TSC22D3: variants seen among roughly 807,000 people sequenced by gnomAD.
The protein encoded by TSC22D3 is TSC22 domain family member 3.
TSC22D3 carries 4 observed loss-of-function variants against 11.1 expected under a neutral mutation model. That is an observed-to-expected ratio of 0.36 (90% CI 0.18 to 0.83). The LOEUF is 0.83. Among genes scored for constraint, TSC22D3 ranks in the 40% least tolerant of loss-of-function variants. The probability of loss-of-function intolerance (pLI) is 0.48; values close to 1 mark genes in which losing one functional copy is unlikely to be tolerated. For synonymous variants in TSC22D3, 77 were observed against 70.3 expected, an observed-to-expected ratio of 1.10 and a Z score of -0.48; for missense variants, 118 against 159.4, an observed-to-expected ratio of 0.74 and a Z score of 1.40.
At chrX:107,738,966 G>A (rs1310870180) in intron 1 of TSC22D3, among the ~76,000 whole-genome samples, 1 of 113,017 alleles carries the variant, frequency 8.8e-6, no homozygotes, top group African/African-American at 3.2e-5. Context: ...GAGCTTGTGT[G>A]TACCGGACAA....
chrX:107,719,722 G>A, intron 1 of TSC22D3, among the ~76,000 whole-genome samples: 1 of 111,581 alleles, frequency 9.0e-6, no homozygotes, highest in Non-Finnish European at 1.9e-5. Flanking sequence ...GGGGTTTGGA[G>A]GTGCCAGAGA....
intron 1 of TSC22D3, among the ~76,000 whole-genome samples, chrX:107,724,975 C>T (rs1311667162): frequency 9.0e-6 from 1 of 111,471 alleles, no homozygotes; most frequent in Admixed American, 9.5e-5. Context: ...GCATAGAGGC[C>T]CTCTGTGACT....
intron 1 of TSC22D3, among the ~76,000 whole-genome samples, chrX:107,762,686 A>G (rs1569454302): frequency 9.1e-6 from 1 of 109,658 alleles, no homozygotes; most frequent in Non-Finnish European, 1.9e-5. Flanking sequence ...GCTTGTAGTC[A>G]GGAAGTTCTT....
intron 1 of TSC22D3, among the ~76,000 whole-genome samples, chrX:107,735,240 C>T (rs750144676): frequency 2.7e-5 from 3 of 111,874 alleles, no homozygotes; most frequent in Non-Finnish European, 3.8e-5. Context: ...GCAGGAGCCA[C>T]ACAAGAGTAC....
chrX:107,733,598 A>T (rs776559953), intron 1 of TSC22D3, among the ~76,000 whole-genome samples: 2 of 108,675 alleles, frequency 1.8e-5, no homozygotes, highest in African/African-American at 6.8e-5. Flanking sequence ...GCCTTCCTCC[A>T]CCAGCTGAGG....
At chrX:107,720,756 T>C (rs1247706396) in intron 1 of TSC22D3, among the ~76,000 whole-genome samples, 1 of 18,529 alleles carries the variant, frequency 5.4e-5, no homozygotes, top group East Asian at 1.5e-3. Flanking sequence ...GAGATAAGGG[T>C]GGGTAGGAAG....
intron 1 of TSC22D3, among the ~76,000 whole-genome samples, chrX:107,741,646 G>T (rs1157054652): frequency 8.9e-6 from 1 of 112,450 alleles, no homozygotes; most frequent in Non-Finnish European, 1.9e-5. Context: ...CGCCCACAAC[G>T]CAGCAGCCCC....
At chrX:107,754,825 T>C in intron 1 of TSC22D3, among the ~76,000 whole-genome samples, 1 of 112,274 alleles carries the variant, frequency 8.9e-6, no homozygotes, top group Non-Finnish European at 1.9e-5. Flanking sequence ...ATGACAGAGA[T>C]TGCAAATTTT....
At chrX:107,750,504 A>G (rs1324390156) in intron 1 of TSC22D3, among the ~76,000 whole-genome samples, 1 of 111,676 alleles carries the variant, frequency 9.0e-6, no homozygotes, top group African/African-American at 3.3e-5. Flanking sequence ...GACGGCGAGC[A>G]AAACTGCAGA....
intron 1 of TSC22D3, chrX:107,716,837 C>T (rs1179893015): frequency 8.3e-7 from 1 of 1,205,210 alleles, no homozygotes; most frequent in Admixed American, 2.2e-5. Context: ...GAAGCTCTGG[C>T]CGGGTTTCGT....
chrX:107,717,817 T>C (rs1217968416), intron 1 of TSC22D3, among the ~76,000 whole-genome samples: 2 of 112,124 alleles, frequency 1.8e-5, no homozygotes, highest in East Asian at 5.6e-4. Context: ...AGACAGGGTA[T>C]TGGAGTGAGC....
chrX:107,775,494 G>T lies in TSC22D3; in HGVS notation c.-75C>A. The T allele has an allele frequency of 1.2e-6, 1 of 862,853 alleles. No individual in the cohort carries two copies. Among genetic ancestry groups the T allele is most frequent in the Non-Finnish European group, 1.6e-6 (1 of 629,981 alleles). The allele number at this position is 862,853 out of a possible 1,213,427, so 71.1% of individuals were successfully genotyped here. A position where few individuals can be genotyped will look rare whatever the true frequency, so the allele number is the denominator to read the frequency against. On this transcript the variant is annotated 5_prime_UTR_variant, in exon 1 of 3. Coordinates refer to ENST00000372383, the MANE Select transcript of TSC22D3 (RefSeq NM_198057.3). ...AGGTGCGCGCCCACCGAGCTGGCCT[G>T]AGGGGACTCCAGGGTGCCTGGAAAA...
chrX:107,742,219 G>A (rs907546288), intron 1 of TSC22D3, among the ~76,000 whole-genome samples: 2 of 106,770 alleles, frequency 1.9e-5, no homozygotes, highest in Non-Finnish European at 3.9e-5. Context: ...TGGGACGGGT[G>A]TGCAGTTAAG....
intron 1 of TSC22D3, among the ~76,000 whole-genome samples, chrX:107,753,938 C>T (rs1412251134): frequency 1.2e-4 from 12 of 102,808 alleles, no homozygotes; most frequent in Non-Finnish European, 2.0e-4. Context: ...TTTTTTAAGA[C>T]GGAGTCTTAC....
intron 1 of TSC22D3, among the ~76,000 whole-genome samples, chrX:107,743,008 C>T (rs1258842608): frequency 4.5e-5 from 5 of 111,592 alleles, no homozygotes; most frequent in South Asian, 3.8e-4. Flanking sequence ...GCCCTGTGGC[C>T]GGGTGGGAAA....
At chrX:107,774,752 G>C in intron 1 of TSC22D3, 1 of 248,163 alleles carries the variant, frequency 4.0e-6, no homozygotes, top group Non-Finnish European at 7.2e-6. Flanking sequence ...TGGAACTCAA[G>C]AAGACCCCAT....
intron 1 of TSC22D3, among the ~76,000 whole-genome samples, chrX:107,765,963 C>T (rs1444386920): frequency 1.8e-5 from 2 of 111,945 alleles, no homozygotes; most frequent in East Asian, 2.8e-4. Context: ...GCTGGTAATT[C>T]CCACACCACC....
intron 1 of TSC22D3, among the ~76,000 whole-genome samples, chrX:107,737,725 C>T (rs906223521): frequency 1.4e-4 from 16 of 111,936 alleles, no homozygotes; most frequent in Non-Finnish European, 3.0e-4. Context: ...ATTTATTGAG[C>T]CCCTACTTTG....
At chrX:107,727,126 G>A (rs1927675378) in intron 1 of TSC22D3, among the ~76,000 whole-genome samples, 1 of 111,785 alleles carries the variant, frequency 8.9e-6, no homozygotes, top group Admixed American at 9.5e-5. Flanking sequence ...ATGTCACAGG[G>A]TGATTTATCT....
Sources: gnomAD v4.1 joint callset for allele counts (sites outside exome capture counted in the v4.1 genomes callset) on GRCh38, gnomAD v4.1.1 for gene constraint, MANE v1.5 for transcripts, NCBI Gene and HGNC (gene_info 2026-07-23, HGNC 2026-07-21) for gene names.